The following ADAMTSL1 variants were observed in gnomAD, a reference collection of about 807,000 sequenced individuals.
The protein encoded by ADAMTSL1 is ADAMTS like 1.
A neutral mutation model predicts 201.8 loss-of-function variants in ADAMTSL1; 126 were observed. That is an observed-to-expected ratio of 0.62 (90% CI 0.54 to 0.72). ADAMTSL1 has a LOEUF of 0.72. Ranked by LOEUF, ADAMTSL1 falls within the 30% of genes least tolerant of loss-of-function variation. The pLI is 0.00. For missense variants in ADAMTSL1, 2,679 were observed against 2,277.8 expected (o/e 1.18, Z -3.59); for synonymous variants, 1,121 against 903.4 (o/e 1.24, Z -4.32).
At chr9:17,962,739 A>C (rs1305348251) in intron 1 of ADAMTSL1, among the ~76,000 whole-genome samples, 1 of 152,186 alleles carries the variant, frequency 6.6e-6, no homozygotes, top group African/African-American at 2.4e-5. Context: ...ATACAGTTGT[A>C]TATGTTTTAA....
At chr9:18,230,303 T>G (rs962746469) in intron 2 of ADAMTSL1, among the ~76,000 whole-genome samples, 1 of 152,108 alleles carries the variant, frequency 6.6e-6, no homozygotes, top group Non-Finnish European at 1.5e-5. Flanking sequence ...CTGGATTCAA[T>G]ATGATACCGG....
chr9:18,762,446 T>C (rs1401700828), intron 16 of ADAMTSL1, among the ~76,000 whole-genome samples: 1 of 152,134 alleles, frequency 6.6e-6, no homozygotes. Flanking sequence ...GTGAAATAAG[T>C]ACATCTTGAA....
At chr9:18,820,390 T>G (rs919974673) in intron 21 of ADAMTSL1, among the ~76,000 whole-genome samples, 2 of 152,114 alleles carry the variant, frequency 1.3e-5, no homozygotes, top group Admixed American at 1.3e-4. Flanking sequence ...TATTAGAGTA[T>G]TAAAGAAATT....
At chr9:18,264,250 C>A (rs1337068186) in intron 2 of ADAMTSL1, among the ~76,000 whole-genome samples, 1 of 152,028 alleles carries the variant, frequency 6.6e-6, no homozygotes, top group East Asian at 1.9e-4. Context: ...GTTTCTTTTT[C>A]TTGATTCTGG....
In ADAMTSL1 at chr9:18,504,859, C is replaced by G; in HGVS notation, c.94C>G (p.Arg32Gly). ...SSRTARSEED[R>G]DGLWDAWGPW... Reference sequence around the variant, plus strand: ...CAGGACCGCACGCTCCGAGGAGGACCGGGACGGCCTATGGGATGCCTGGGG... The same window carrying G: ...CAGGACCGCACGCTCCGAGGAGGACGGGGACGGCCTATGGGATGCCTGGGG... Residue 32 changes from arginine to glycine, a missense_variant, in exon 2 of 29, where the codon CGG (arginine) becomes GGG (glycine). Physicochemically the swap from Arg to Gly is moderately radical, Grantham distance 125. Coordinates refer to ENST00000380548, the MANE Select transcript of ADAMTSL1 (RefSeq NM_001040272.6). The G allele has an allele frequency of 6.2e-7, 1 of 1,614,044 alleles. No individual in the cohort carries two copies. The highest frequency in any genetic ancestry group is 8.5e-7 in the Non-Finnish European group (1 of 1,180,000).
At chr9:18,714,812 C>G (rs1189785162) in intron 14 of ADAMTSL1, among the ~76,000 whole-genome samples, 1 of 151,740 alleles carries the variant, frequency 6.6e-6, no homozygotes, top group East Asian at 1.9e-4. Context: ...GAATTTTAGA[C>G]CAATATCCTT....
chr9:18,351,043 T>C (rs566722840), intron 2 of ADAMTSL1, among the ~76,000 whole-genome samples: 101 of 152,274 alleles, frequency 6.6e-4, no homozygotes, highest in African/African-American at 2.4e-3. Context: ...ACTTAGCTAT[T>C]TGTAACCTCG....
In ADAMTSL1 at chr9:18,894,345, C is replaced by CTT. The variant is rs56112949; in HGVS notation, c.4851+1764_4851+1765dup. 1.9e-4 allele frequency among the ~76,000 whole-genome samples: 23 copies of CTT among 124,014 alleles called. 2 individuals carry two copies. Among genetic ancestry groups the CTT allele is most frequent in the African/African-American group, 5.1e-4 (16 of 31,370 alleles). 81.4% of individuals were successfully genotyped at this position (124,014 alleles called of 152,430 possible). On this transcript the variant is annotated intron_variant, in intron 26 of 28. Coordinates refer to ENST00000380548, the MANE Select transcript of ADAMTSL1 (RefSeq NM_001040272.6). The stretch of plus-strand genomic sequence containing the variant: ...CCTGGGTGACAGAGCAAAACCTTGT[C>CTT]TTTTTTTTTTTTTTTTGAAAAAGGT...
intron 1 of ADAMTSL1, among the ~76,000 whole-genome samples, chr9:18,069,828 T>C (rs1306013098): frequency 6.6e-6 from 1 of 152,126 alleles, no homozygotes; most frequent in African/African-American, 2.4e-5. Flanking sequence ...GTAATGGCAT[T>C]GGTGGTGCAG....
intron 23 of ADAMTSL1, among the ~76,000 whole-genome samples, chr9:18,842,064 T>G (rs1208207235): frequency 5.3e-5 from 8 of 151,410 alleles, no homozygotes; most frequent in Non-Finnish European, 7.4e-5. Flanking sequence ...TTTAGTTATT[T>G]CTTGCCTTCT....
At position 18,709,864 on chromosome 9, in the gene ADAMTSL1, A is replaced by G. The variant is rs60396306; in HGVS notation, c.1876+2816A>G. ...ACATTGACTTCAGCAAAAATGGAAG[A>G]TGAAGCCTTGTACCTGTTGTTCCCC... On this transcript the variant is annotated intron_variant, in intron 14 of 28. Coordinates refer to ENST00000380548, the MANE Select transcript of ADAMTSL1 (RefSeq NM_001040272.6). 7.7e-3 allele frequency among the ~76,000 whole-genome samples: 1,168 copies of G among 152,352 alleles called. 14 individuals carry two copies. Among genetic ancestry groups the G allele is most frequent in the African/African-American group, 0.027 (1,118 of 41,574 alleles).
At chr9:18,560,355 A>T (rs149873826) in intron 3 of ADAMTSL1, among the ~76,000 whole-genome samples, 3,071 of 152,268 alleles carry the variant, frequency 0.02, 42 homozygotes, top group Non-Finnish European at 0.031. Context: ...CCAGGGGTGA[A>T]GCCAACTTGT....
At chr9:17,949,207 T>G (rs998379822) in intron 1 of ADAMTSL1, among the ~76,000 whole-genome samples, 1 of 152,166 alleles carries the variant, frequency 6.6e-6, no homozygotes, top group African/African-American at 2.4e-5. Flanking sequence ...GGTTAAATTT[T>G]GAAGATTTTT....
At chr9:18,329,609 C>T (rs1411848875) in intron 2 of ADAMTSL1, among the ~76,000 whole-genome samples, 1 of 152,180 alleles carries the variant, frequency 6.6e-6, no homozygotes, top group South Asian at 2.1e-4. Context: ...CTTAAAACCC[C>T]TCATTCAAAT....
intron 1 of ADAMTSL1, among the ~76,000 whole-genome samples, chr9:18,014,329 A>T (rs1288406368): frequency 6.6e-6 from 1 of 152,018 alleles, no homozygotes; most frequent in Non-Finnish European, 1.5e-5. Flanking sequence ...ACTTCATGGG[A>T]TTTATAGTCA....
At chr9:18,847,867 A>G (rs1378117988) in intron 23 of ADAMTSL1, among the ~76,000 whole-genome samples, 1 of 152,252 alleles carries the variant, frequency 6.6e-6, no homozygotes. Flanking sequence ...TGGTCACTTT[A>G]AAGCAACAGT....
At chr9:18,755,659 T>C (rs936290567) in intron 16 of ADAMTSL1, among the ~76,000 whole-genome samples, 12 of 152,194 alleles carry the variant, frequency 7.9e-5, no homozygotes, top group African/African-American at 2.9e-4. Context: ...ACCACCTGTA[T>C]GCCCAGCATC....
chr9:18,755,102 G>A (rs1819676643), intron 16 of ADAMTSL1, among the ~76,000 whole-genome samples: 1 of 152,130 alleles, frequency 6.6e-6, no homozygotes. Context: ...GGCCTTTCAG[G>A]GATTAAACAT....
At chr9:18,527,139 G>GCAAAAT (rs1462305354) in intron 2 of ADAMTSL1, among the ~76,000 whole-genome samples, 1 of 151,942 alleles carries the variant, frequency 6.6e-6, no homozygotes, top group Non-Finnish European at 1.5e-5. Flanking sequence ...AAAAGCAAAA[G>GCAAAAT]CAAAAAGAAA....
Sources: allele counts gnomAD v4.1 joint callset (sites outside exome capture counted in the v4.1 genomes callset), GRCh38; gene constraint gnomAD v4.1.1; transcripts MANE v1.5; gene names NCBI Gene and HGNC (gene_info 2026-07-23, HGNC 2026-07-21).